FNDC3B: variants seen among roughly 807,000 people sequenced by gnomAD.
FNDC3B encodes fibronectin type III domain containing 3B.
Under a neutral mutation model 151.5 loss-of-function variants are expected in FNDC3B, and 12 were observed. The ratio of observed to expected loss-of-function variants is 0.08; its 90% CI spans 0.05 to 0.13. The LOEUF (loss-of-function observed/expected upper bound fraction) is 0.13, where lower values mean the gene tolerates loss of function less well. FNDC3B is among the 10% of genes least tolerant of loss of function. The probability of loss-of-function intolerance (pLI) is 1.00; values close to 1 mark genes in which losing one functional copy is unlikely to be tolerated. For missense variants in FNDC3B, 1,214 were observed against 1,505.3 expected, an observed-to-expected ratio of 0.81 and a Z score of 3.20; for synonymous variants, 528 against 549.0, an observed-to-expected ratio of 0.96 and a Z score of 0.54.
chr3:172,131,782 A>G (rs1349299436), intron 2 of FNDC3B, among the ~76,000 whole-genome samples: 1 of 152,250 alleles, frequency 6.6e-6, no homozygotes, highest in Non-Finnish European at 1.5e-5. Context: ...AGTTTTACAA[A>G]ACAAATTATA....
chr3:172,180,317 C>A (rs537376392), intron 3 of FNDC3B, among the ~76,000 whole-genome samples: 16 of 152,166 alleles, frequency 1.1e-4, no homozygotes, highest in Non-Finnish European at 2.1e-4. Flanking sequence ...GGAAGTAAGG[C>A]TCTGGGCTCT....
Position 172,397,511 on chromosome 3 carries a change from C to G in FNDC3B, c.*36C>G, listed in dbSNP as rs758509093. 1.5e-6 allele frequency: 2 copies of G among 1,292,962 alleles called. No individual in the cohort carries two copies. Among genetic ancestry groups the G allele is most frequent in the South Asian group, 2.8e-5 (2 of 72,268 alleles). The allele number at this position is 1,292,962 out of a possible 1,614,324, so 80.1% of individuals were successfully genotyped here. A position where few individuals can be genotyped will look rare whatever the true frequency, so the allele number is the denominator to read the frequency against. On this transcript the variant is annotated 3_prime_UTR_variant, in exon 26 of 26. Coordinates refer to ENST00000415807, the MANE Select transcript of FNDC3B (RefSeq NM_022763.4). ...ACTAGAGGTATGAATTAATGCTACA[C>G]ATTTTAATACACACATTTATTCAGA...
intron 1 of FNDC3B, among the ~76,000 whole-genome samples, chr3:172,057,932 G>T (rs1446695690): frequency 6.6e-6 from 1 of 151,502 alleles, no homozygotes; most frequent in Non-Finnish European, 1.5e-5. Flanking sequence ...AGCATACAGT[G>T]CTACATAGAG....
intron 1 of FNDC3B, among the ~76,000 whole-genome samples, chr3:172,054,729 GGT>G (rs1230501772): frequency 6.6e-6 from 1 of 152,044 alleles, no homozygotes; most frequent in Non-Finnish European, 1.5e-5. Context: ...GGGGGTAGGG[GGT>G]GCAGCACCTC....
chr3:172,069,892 C>T (rs1445334159), intron 1 of FNDC3B, among the ~76,000 whole-genome samples: 1 of 152,134 alleles, frequency 6.6e-6, no homozygotes, highest in African/African-American at 2.4e-5. Flanking sequence ...TTATATATAT[C>T]GTTTATTGTA....
chr3:172,308,625 C>T (rs1731311535), intron 10 of FNDC3B, among the ~76,000 whole-genome samples: 1 of 152,190 alleles, frequency 6.6e-6, no homozygotes, highest in Non-Finnish European at 1.5e-5. Flanking sequence ...CTTAGGTGGG[C>T]AGCTGCATTC....
chr3:172,368,212 G>A (rs546062159), intron 23 of FNDC3B, among the ~76,000 whole-genome samples: 1 of 150,100 alleles, frequency 6.7e-6, no homozygotes, highest in African/African-American at 2.5e-5. Flanking sequence ...TGAGGTTGCA[G>A]TGAGCTGTGA....
At chr3:172,325,938 C>T (rs1039301673) in intron 11 of FNDC3B, among the ~76,000 whole-genome samples, 3 of 152,162 alleles carry the variant, frequency 2.0e-5, no homozygotes, top group African/African-American at 7.2e-5. Context: ...ATTCTCCTGC[C>T]TCAGCCTCCC....
intron 1 of FNDC3B, among the ~76,000 whole-genome samples, chr3:172,091,304 GCTT>G (rs990032473): frequency 6.6e-6 from 1 of 152,184 alleles, no homozygotes; most frequent in Non-Finnish European, 1.5e-5. Context: ...TGTTGCAAAT[GCTT>G]CTTTTCATAC....
chr3:172,224,436 C>T (rs4894527), intron 3 of FNDC3B, among the ~76,000 whole-genome samples: 50,940 of 152,024 alleles, frequency 0.34, 8,998 homozygotes, highest in East Asian at 0.44. Context: ...ACAGAGATGA[C>T]CAGATAGTTG....
rs1452254062 is a variant in FNDC3B at position 172,044,624 on chromosome 3, T to TGG, written c.-29+4854_-29+4855insGG. ...GACTGTTCAGATAACTGAAACATCC[T>TGG]GTTCATACCCATTCCTGACCATTGG... On this transcript the variant is annotated intron_variant, in intron 1 of 25. Transcript: ENST00000415807. Among the ~76,000 whole-genome samples, 28 of 152,348 alleles carry TGG rather than the reference T, an allele frequency of 1.8e-4. No individual in the cohort carries two copies. In the South Asian group the frequency reaches 5.6e-3, roughly 30 times the overall value.
chr3:172,169,175 C>A (rs115298534), intron 3 of FNDC3B, among the ~76,000 whole-genome samples: 1 of 152,250 alleles, frequency 6.6e-6, no homozygotes, highest in African/African-American at 2.4e-5. Context: ...CGTCAGCACT[C>A]GGTCATGTCT....
intron 1 of FNDC3B, among the ~76,000 whole-genome samples, chr3:172,070,248 T>C (rs1183887237): frequency 1.3e-5 from 2 of 152,192 alleles, no homozygotes; most frequent in Admixed American, 1.3e-4. Context: ...TTACCGTAAC[T>C]GCAATTTTAG....
At chr3:172,252,455 A>G (rs1053058875) in intron 6 of FNDC3B, among the ~76,000 whole-genome samples, 2 of 151,728 alleles carry the variant, frequency 1.3e-5, no homozygotes, top group African/African-American at 4.8e-5. Flanking sequence ...CCTGACTGAG[A>G]TGCAGTAAGG....
chr3:172,182,827 A>G (rs370812222), intron 3 of FNDC3B, among the ~76,000 whole-genome samples: 1 of 152,228 alleles, frequency 6.6e-6, no homozygotes, highest in African/African-American at 2.4e-5. Context: ...TGTGAATGAG[A>G]AATGGAGATG....
intron 9 of FNDC3B, chr3:172,303,001 A>T (rs1016822969): frequency 8.3e-6 from 1 of 120,968 alleles, no homozygotes; most frequent in South Asian, 3.0e-4. Flanking sequence ...AAATTGCATT[A>T]TATTTTAAAT....
At chr3:172,285,696 G>A (rs544363074) in intron 6 of FNDC3B, among the ~76,000 whole-genome samples, 2 of 152,156 alleles carry the variant, frequency 1.3e-5, no homozygotes, top group African/African-American at 2.4e-5. Flanking sequence ...CCTTAACATC[G>A]CGAACACTTA....
At chr3:172,129,986 TGGGGAG>T in intron 2 of FNDC3B, among the ~76,000 whole-genome samples, 1 of 135,616 alleles carries the variant, frequency 7.4e-6, no homozygotes, top group Non-Finnish European at 1.6e-5. Context: ...GCTTTGTGGT[TGGGGAG>T]AGGGAGGGAG....
intron 4 of FNDC3B, among the ~76,000 whole-genome samples, chr3:172,230,203 T>A (rs1437248666): frequency 6.6e-6 from 1 of 151,862 alleles, no homozygotes; most frequent in Non-Finnish European, 1.5e-5. Flanking sequence ...CATTAAAAAG[T>A]GGAAAGAGGC....
Sources: allele counts gnomAD v4.1 joint callset (sites outside exome capture counted in the v4.1 genomes callset), GRCh38; gene constraint gnomAD v4.1.1; transcripts MANE v1.5; gene names NCBI Gene and HGNC (gene_info 2026-07-23, HGNC 2026-07-21).